The following SEZ6L variants were observed in gnomAD, a reference collection of about 807,000 sequenced individuals.
SEZ6L encodes seizure related 6 homolog like.
SEZ6L carries 37 observed loss-of-function variants against 106.2 expected under a neutral mutation model. The ratio of observed to expected loss-of-function variants is 0.35; its 90% CI spans 0.27 to 0.46. The LOEUF is 0.46. Among genes scored for constraint, SEZ6L ranks in the 20% least tolerant of loss-of-function variants. SEZ6L has a pLI of 1.00. For synonymous variants in SEZ6L, 541 were observed against 570.4 expected (o/e 0.95, Z 0.73); for missense variants, 1,172 against 1,332.8 (o/e 0.88, Z 1.88).
chr22:26,362,028 T>TAA (rs5844690), intron 12 of SEZ6L, among the ~76,000 whole-genome samples: 39 of 150,390 alleles, frequency 2.6e-4, no homozygotes, highest in Middle Eastern at 3.4e-3. Context: ...CACCCTGCAT[T>TAA]AAAAAAAAAT....
chr22:26,251,472 T>C (rs2079582054), intron 1 of SEZ6L, among the ~76,000 whole-genome samples: 1 of 152,240 alleles, frequency 6.6e-6, no homozygotes, highest in African/African-American at 2.4e-5. Context: ...TTTGCACATA[T>C]TAAAGCATCA....
chr22:26,208,841 ACT>A lies in SEZ6L; in HGVS notation c.94+39087_94+39088del, dbSNP rs202119093. Reference sequence around the variant, plus strand: ...CCATTCTGTTTTTTTCTACTTCTTGACTCTCTCTCTGTGTGTGTGTGTGTGTG... The same window carrying A: ...CCATTCTGTTTTTTTCTACTTCTTGACTCTCTCTGTGTGTGTGTGTGTGTG... On this transcript the variant is annotated intron_variant, in intron 1 of 16. Transcript: ENST00000248933. Among the ~76,000 whole-genome samples, 419 of 72,596 alleles carry A rather than the reference ACT, an allele frequency of 5.8e-3. 3 individuals are homozygous for A. The highest frequency in any genetic ancestry group is 0.02 in the Middle Eastern group (3 of 148). The allele number at this position is 72,596 out of a possible 152,430, so 47.6% of individuals were successfully genotyped here.
At chr22:26,304,417 A>AAAGG (rs1347345953) in intron 5 of SEZ6L, among the ~76,000 whole-genome samples, 5 of 149,798 alleles carry the variant, frequency 3.3e-5, no homozygotes, top group African/African-American at 1.2e-4. Context: ...AGAAAGAAAG[A>AAAGG]AAGAAAGAAA....
chr22:26,339,471 G>A (rs2082754958), intron 9 of SEZ6L, among the ~76,000 whole-genome samples: 1 of 152,180 alleles, frequency 6.6e-6, no homozygotes, highest in Non-Finnish European at 1.5e-5. Flanking sequence ...GTATAGTGAA[G>A]TGATTTCTGG....
intron 1 of SEZ6L, among the ~76,000 whole-genome samples, chr22:26,191,728 A>G (rs1381563839): frequency 2.6e-5 from 4 of 152,206 alleles, no homozygotes; most frequent in Non-Finnish European, 5.9e-5. Context: ...CATCCTGCAC[A>G]TGTATCCCTG....
chr22:26,238,158 G>A (rs938564935), intron 1 of SEZ6L, among the ~76,000 whole-genome samples: 1 of 152,212 alleles, frequency 6.6e-6, no homozygotes, highest in Non-Finnish European at 1.5e-5. Flanking sequence ...ATTGGTCAGA[G>A]CAGGCAGAAG....
chr22:26,280,546 A>T (rs2080729308), intron 1 of SEZ6L, among the ~76,000 whole-genome samples: 1 of 152,156 alleles, frequency 6.6e-6, no homozygotes, highest in Non-Finnish European at 1.5e-5. Context: ...AAGGAAGAAG[A>T]CTTCTTTATT....
At chr22:26,237,616 C>T (rs1361057750) in intron 1 of SEZ6L, among the ~76,000 whole-genome samples, 1 of 152,152 alleles carries the variant, frequency 6.6e-6, no homozygotes, top group Non-Finnish European at 1.5e-5. Flanking sequence ...TTACTAAAAC[C>T]AAGGAACTGA....
In SEZ6L at chr22:26,347,800, G is replaced by A. The variant is rs756050832; in HGVS notation, c.2294G>A (p.Arg765Gln). Residue 765 changes from arginine to glutamine, a missense_variant, in exon 11 of 17, where the codon CGG becomes CAG. This residue lies in a region of SEZ6L where 534 missense variants were observed against 691.0 expected (regional missense o/e 0.77). Transcript: ENST00000248933. ...ACCACTTCTCACACGGAGTTGGTGCGGGGAGCCAGAATCACCTACCAGTGT... is the reference window on the plus strand; with the variant it reads ...ACCACTTCTCACACGGAGTTGGTGCAGGGAGCCAGAATCACCTACCAGTGT... Reference protein sequence around the residue: ...WKTTSHTELVRGARITYQCDP... With the variant: ...WKTTSHTELVQGARITYQCDP... 16 of 1,608,932 alleles carry A rather than the reference G, an allele frequency of 9.9e-6. No homozygotes were observed. Among genetic ancestry groups the A allele is most frequent in the Admixed American group, 5.1e-5 (3 of 59,046 alleles).
chr22:26,255,340 C>T (rs1226855420), intron 1 of SEZ6L, among the ~76,000 whole-genome samples: 1 of 152,194 alleles, frequency 6.6e-6, no homozygotes, highest in Non-Finnish European at 1.5e-5. Context: ...TAGAATAAAT[C>T]ACCAAAGCTT....
rs115519582 is a variant in SEZ6L at position 26,380,262 on chromosome 22, G to A, written c.3046-4G>A. ...TGACAAATCCGTGCTTCTCTCTCTT[G>A]CAGGAAACCAGAGAGTATGAGGTTT... On this transcript the variant is annotated splice_polypyrimidine_tract_variant and splice_region_variant and intron_variant, in intron 16 of 16. Coordinates refer to ENST00000248933, the MANE Select transcript of SEZ6L (RefSeq NM_021115.5). The A allele has an allele frequency of 9.0e-4, 1,447 of 1,613,540 alleles. 18 individuals are homozygous for A. The African/African-American group carries it at 0.016, about 18-fold the overall frequency.
At chr22:26,253,201 C>T (rs556540878) in intron 1 of SEZ6L, among the ~76,000 whole-genome samples, 9 of 152,290 alleles carry the variant, frequency 5.9e-5, no homozygotes, top group East Asian at 5.8e-4. Context: ...TGGCTTTGAA[C>T]GAGGTCTTCC....
At chr22:26,263,639 C>G (rs2080087469) in intron 1 of SEZ6L, among the ~76,000 whole-genome samples, 1 of 152,340 alleles carries the variant, frequency 6.6e-6, no homozygotes, top group East Asian at 1.9e-4. Flanking sequence ...TCCCAACGAT[C>G]ATCTGAGATA....
intron 12 of SEZ6L, among the ~76,000 whole-genome samples, chr22:26,362,691 C>T (rs1320801564): frequency 6.6e-6 from 1 of 152,168 alleles, no homozygotes; most frequent in Admixed American, 6.5e-5. Flanking sequence ...GGGTGCCCGC[C>T]AGAGCTATCT....
chr22:26,375,882 C>G (rs1381258286), intron 15 of SEZ6L, among the ~76,000 whole-genome samples, 193 bp downstream of exon 15: 1 of 152,206 alleles, frequency 6.6e-6, no homozygotes, highest in Non-Finnish European at 1.5e-5. Context: ...ATTATGAAGC[C>G]TCCAAGCAAG....
Position 26,365,541 on chromosome 22 carries a change from G to A in SEZ6L, c.2769G>A (p.Trp923Ter). 1 of 1,613,992 alleles carries A rather than the reference G, an allele frequency of 6.2e-7. No homozygotes were observed. The highest frequency in any genetic ancestry group is 1.1e-5 in the South Asian group (1 of 91,066). Reference protein sequence around the residue: ...IRCILGQPSHWNGPLPVCKVN... With the variant: ...IRCILGQPSH ...GCATCCTGGGACAGCCATCCCACTG[G>A]AACGGGCCCCTGCCCGTGTGTAAAG... is the stretch of plus-strand genomic sequence containing the variant. The change falls in exon 13 of 17, where the codon TGG becomes TGA. Residue 923 changes from tryptophan to a stop codon, truncating the protein, a stop_gained. Coordinates refer to ENST00000248933, the MANE Select transcript of SEZ6L (RefSeq NM_021115.5). LOFTEE classifies it high-confidence loss of function.
intron 1 of SEZ6L, among the ~76,000 whole-genome samples, chr22:26,214,223 AG>A (rs1248966895): frequency 2.0e-5 from 3 of 152,256 alleles, no homozygotes. Context: ...CTTTAAACCT[AG>A]CTGTGTGTCC....
chr22:26,335,343 T>G (rs1403831320), intron 9 of SEZ6L, among the ~76,000 whole-genome samples: 1 of 152,180 alleles, frequency 6.6e-6, no homozygotes, highest in African/African-American at 2.4e-5. Flanking sequence ...CTGGTCACAA[T>G]AAGTGCAGTC....
intron 1 of SEZ6L, among the ~76,000 whole-genome samples, chr22:26,214,611 A>G (rs996815132): frequency 6.6e-6 from 1 of 152,206 alleles, no homozygotes; most frequent in Non-Finnish European, 1.5e-5. Context: ...TCAGGAAGGA[A>G]GCAGCTTGCC....
Sources: allele counts gnomAD v4.1 joint callset (sites outside exome capture counted in the v4.1 genomes callset), GRCh38; gene constraint gnomAD v4.1.1; regional missense constraint gnomAD v4.1.1; transcripts MANE v1.5; gene names NCBI Gene and HGNC (gene_info 2026-07-23, HGNC 2026-07-21).